Variants in FLT1 observed in about 807,000 individuals in gnomAD.
FLT1 encodes vascular endothelial growth factor receptor 1.
FLT1 carries 49 observed loss-of-function variants against 156.3 expected under a neutral mutation model. The observed-to-expected ratio is 0.31, with a 90% CI of 0.25 to 0.40. FLT1 has a LOEUF of 0.40. Ranked by LOEUF, FLT1 falls within the 10% of genes least tolerant of loss-of-function variation. The pLI is 1.00. For missense variants in FLT1, 1,322 were observed against 1,637.2 expected (o/e 0.81, Z 3.32); for synonymous variants, 594 against 583.8 (o/e 1.02, Z -0.25).
intron 10 of FLT1, among the ~76,000 whole-genome samples, chr13:28,421,212 C>A (rs1348262573): frequency 6.6e-6 from 1 of 152,132 alleles, no homozygotes; most frequent in East Asian, 1.9e-4. Context: ...CAGTCCTGAC[C>A]TACTTTTAGA....
At chr13:28,357,426 G>C (rs1478479478) in intron 15 of FLT1, 128 bp downstream of exon 15, 3 of 931,290 alleles carry the variant, frequency 3.2e-6, no homozygotes, top group African/African-American at 3.2e-5. Flanking sequence ...GGCAGGGAGA[G>C]GGGAGAAGGA....
At chr13:28,487,038 T>A (rs1881207208) in intron 1 of FLT1, among the ~76,000 whole-genome samples, 1 of 152,208 alleles carries the variant, frequency 6.6e-6, no homozygotes, top group Non-Finnish European at 1.5e-5. Flanking sequence ...CAGCTAGTTT[T>A]GCAAGCCCAC....
At chr13:28,348,294 T>C (rs2138862296) in intron 15 of FLT1, among the ~76,000 whole-genome samples, 1 of 152,292 alleles carries the variant, frequency 6.6e-6, no homozygotes, top group Admixed American at 6.5e-5. Context: ...TACTCTTCTG[T>C]CTAAATTCCG....
chr13:28,367,278 G>C (rs1873334998), intron 14 of FLT1, among the ~76,000 whole-genome samples: 1 of 152,214 alleles, frequency 6.6e-6, no homozygotes, highest in African/African-American at 2.4e-5. Context: ...AGCCCCAAAA[G>C]GACAAGTAAA....
chr13:28,473,832 AAG>A (rs1880384249), intron 1 of FLT1, among the ~76,000 whole-genome samples: 2 of 122,226 alleles, frequency 1.6e-5, no homozygotes, highest in Non-Finnish European at 3.3e-5. Context: ...GAAAGAAAGA[AAG>A]AAAGGAAGAA....
intron 15 of FLT1, 139 bp from the exon 16 acceptor site, chr13:28,345,690 C>T: frequency 2.9e-6 from 2 of 689,580 alleles, no homozygotes; most frequent in Admixed American, 4.1e-5. Flanking sequence ...AAATCAGTCT[C>T]TGGGACAGAT....
chr13:28,385,581 C>G, intron 13 of FLT1: 1 of 1,014,862 alleles, frequency 9.9e-7, no homozygotes, highest in Non-Finnish European at 1.2e-6. Flanking sequence ...TTGGTTCTTT[C>G]CTTTCTCCAT....
intron 6 of FLT1, 132 bp downstream of exon 6, chr13:28,433,687 C>G: frequency 1.2e-6 from 1 of 862,656 alleles, no homozygotes; most frequent in Non-Finnish European, 1.9e-6. Flanking sequence ...AAACCAAACC[C>G]AAAGCTTCTT....
chr13:28,443,711 C>T (rs1024971403), intron 3 of FLT1, among the ~76,000 whole-genome samples: 3 of 152,202 alleles, frequency 2.0e-5, no homozygotes, highest in Admixed American at 6.5e-5. Context: ...AGAGTTTTCA[C>T]ATCACACAGA....
intron 13 of FLT1, chr13:28,387,331 A>T: frequency 9.6e-7 from 1 of 1,047,008 alleles, no homozygotes; most frequent in African/African-American, 1.7e-5. Flanking sequence ...CCCAAGAATC[A>T]TATTTTGTCA....
At chr13:28,346,143 T>C (rs1052926597) in intron 15 of FLT1, 7 of 153,144 alleles carry the variant, frequency 4.6e-5, no homozygotes, top group African/African-American at 1.7e-4. Context: ...GGGCTCTGTT[T>C]CTGGCTTCAT....
intron 16 of FLT1, among the ~76,000 whole-genome samples, chr13:28,340,866 C>T (rs1872307574): frequency 8.0e-6 from 1 of 125,064 alleles, no homozygotes; most frequent in Non-Finnish European, 1.7e-5. Context: ...GCACGTTTGT[C>T]ACAAACTGTG....
intron 10 of FLT1, among the ~76,000 whole-genome samples, chr13:28,422,457 G>A (rs912644077): frequency 1.3e-5 from 2 of 152,172 alleles, no homozygotes; most frequent in African/African-American, 4.8e-5. Context: ...TCTAAAGAAT[G>A]TGTGCTCTCA....
At chr13:28,308,965 A>G (rs1390844924) in intron 27 of FLT1, 38 bp from the exon 28 acceptor site, 2 of 1,276,214 alleles carry the variant, frequency 1.6e-6, no homozygotes, top group Non-Finnish European at 2.3e-6. Context: ...AGACAGGAAA[A>G]GGCATCCAGC....
chr13:28,452,859 G>A (rs1290739825), intron 3 of FLT1, among the ~76,000 whole-genome samples: 2 of 151,756 alleles, frequency 1.3e-5, no homozygotes, highest in East Asian at 3.9e-4. Context: ...TTTTAAAGAT[G>A]ATGACAATGA....
rs775615196 is a variant in FLT1, at chr13:28,466,961, T to C, written c.330A>G (p.Leu110=). The C allele has an allele frequency of 1.5e-5, 24 of 1,614,188 alleles. No homozygotes were observed. Among genetic ancestry groups the C allele is most frequent in the East Asian group, 6.7e-5 (3 of 44,884 alleles). Reference sequence around the variant, plus strand: ...CCTTCTTCTTTGAAGTAGGTACAGCTAGATATTTGCAGCTGTAGAAGCCAG... The same window carrying C: ...CCTTCTTCTTTGAAGTAGGTACAGCCAGATATTTGCAGCTGTAGAAGCCAG... The part of the protein sequence containing the change: ...NHTGFYSCKY[L]AVPTSKKKET... Residue 110 remains leucine (L), a synonymous_variant, in exon 3 of 30, where the codon CTA becomes CTG. Coordinates refer to ENST00000282397, the MANE Select transcript of FLT1 (RefSeq NM_002019.4).
intron 10 of FLT1, 70 bp downstream of exon 10, chr13:28,427,089 C>G (rs1477104169): frequency 7.3e-7 from 1 of 1,367,456 alleles, no homozygotes; most frequent in African/African-American, 1.4e-5. Context: ...CCATCTGCGT[C>G]CATTAAAAAA....
intron 25 of FLT1, 90 bp from the exon 26 acceptor site, chr13:28,312,188 T>A (rs540466873): frequency 1.2e-5 from 10 of 850,686 alleles, no homozygotes; most frequent in South Asian, 1.1e-4. Flanking sequence ...GCTGTCATCA[T>A]CCGCATAAAG....
intron 14 of FLT1, among the ~76,000 whole-genome samples, chr13:28,373,189 C>T (rs971764099): frequency 3.3e-5 from 5 of 152,112 alleles, no homozygotes; most frequent in East Asian, 1.9e-4. Context: ...GGGGAGGGAA[C>T]GTGATATAGA....
Sources: gnomAD v4.1 joint callset for allele counts (sites outside exome capture counted in the v4.1 genomes callset) on GRCh38, gnomAD v4.1.1 for gene constraint, MANE v1.5 for transcripts, NCBI Gene and HGNC (gene_info 2026-07-23, HGNC 2026-07-21) for gene names.